GRM7: variants seen among roughly 807,000 people sequenced by gnomAD.
GRM7 encodes glutamate metabotropic receptor 7.
Under a neutral mutation model 84.5 loss-of-function variants are expected in GRM7, and 35 were observed. The ratio of observed to expected loss-of-function variants is 0.41; its 90% confidence interval spans 0.32 to 0.55. The LOEUF (loss-of-function observed/expected upper bound fraction) is 0.55. GRM7 is among the 20% of genes least tolerant of loss of function. The pLI is 0.19. For synonymous variants in GRM7, 487 were observed against 455.1 expected, an observed-to-expected ratio of 1.07 and a Z score of -0.89; for missense variants, 1,003 against 1,194.6, an observed-to-expected ratio of 0.84 and a Z score of 2.36.
At chr3:6,901,983 T>C (rs1696403507) in intron 1 of GRM7, among the ~76,000 whole-genome samples, 1 of 152,174 alleles carries the variant, frequency 6.6e-6, no homozygotes, top group African/African-American at 2.4e-5. Flanking sequence ...TTAAGAACTT[T>C]TTTTTATTTG....
intron 5 of GRM7, among the ~76,000 whole-genome samples, chr3:7,444,695 C>G (rs1697431269): frequency 6.6e-6 from 1 of 152,094 alleles, no homozygotes; most frequent in African/African-American, 2.4e-5. Flanking sequence ...AACATATCCC[C>G]ACCATCCACC....
chr3:7,172,714 T>C (rs1695025626), intron 2 of GRM7, among the ~76,000 whole-genome samples: 1 of 152,160 alleles, frequency 6.6e-6, no homozygotes, highest in Non-Finnish European at 1.5e-5. Flanking sequence ...GGAGTTCTAC[T>C]TGAAAACTGA....
intron 4 of GRM7, among the ~76,000 whole-genome samples, chr3:7,354,554 A>C (rs1350275386): frequency 6.6e-6 from 1 of 152,134 alleles, no homozygotes; most frequent in Non-Finnish European, 1.5e-5. Flanking sequence ...GACAGAAACA[A>C]TATTGCATCC....
At chr3:6,927,122 T>C (rs1459779598) in intron 1 of GRM7, among the ~76,000 whole-genome samples, 1 of 152,072 alleles carries the variant, frequency 6.6e-6, no homozygotes, top group Non-Finnish European at 1.5e-5. Context: ...ATAAAATAAG[T>C]AAGTAGAATT....
intron 5 of GRM7, among the ~76,000 whole-genome samples, chr3:7,450,168 T>G (rs1298755096): frequency 6.6e-6 from 1 of 152,094 alleles, no homozygotes. Context: ...AAGTTTCATC[T>G]TTCCACATGA....
chr3:7,688,092 G>C (rs1186832606), intron 9 of GRM7, among the ~76,000 whole-genome samples: 2 of 151,910 alleles, frequency 1.3e-5, no homozygotes, highest in Non-Finnish European at 2.9e-5. Context: ...TAAATAAGAA[G>C]GAATTTTCCT....
At chr3:7,376,432 G>A (rs1291127957) in intron 4 of GRM7, among the ~76,000 whole-genome samples, 1 of 152,196 alleles carries the variant, frequency 6.6e-6, no homozygotes, top group Non-Finnish European at 1.5e-5. Context: ...AAGGAAAACA[G>A]GTGAGGAACA....
intron 4 of GRM7, among the ~76,000 whole-genome samples, chr3:7,334,240 T>G (rs1701316342): frequency 6.6e-6 from 1 of 151,970 alleles, no homozygotes. Flanking sequence ...ACCTATCAGA[T>G]TAACAGCAGA....
At chr3:6,893,607 A>G (rs1696055575) in intron 1 of GRM7, among the ~76,000 whole-genome samples, 1 of 152,160 alleles carries the variant, frequency 6.6e-6, no homozygotes, top group Admixed American at 6.5e-5. Flanking sequence ...AGAGAAAAAG[A>G]CACAAAAATA....
intron 8 of GRM7, among the ~76,000 whole-genome samples, chr3:7,591,151 C>T (rs1010703818): frequency 2.0e-5 from 3 of 152,028 alleles, no homozygotes; most frequent in Non-Finnish European, 2.9e-5. Flanking sequence ...CAGCCTTGAG[C>T]GAGATCAATC....
intron 2 of GRM7, among the ~76,000 whole-genome samples, chr3:7,201,286 T>C (rs188000097): frequency 1.5e-3 from 234 of 152,272 alleles, no homozygotes; most frequent in African/African-American, 5.2e-3. Flanking sequence ...AAAAAACACA[T>C]TTAATTTTTT....
At position 6,951,197 on chromosome 3, in the gene GRM7, A is replaced by C. The variant is rs554011549; in HGVS notation, c.519+89290A>C. 6.6e-5 allele frequency among the ~76,000 whole-genome samples: 10 copies of C among 152,284 alleles called. No individual in the cohort carries two copies. The South Asian group carries it at 2.1e-3, about 32-fold the overall frequency. On this transcript the variant is annotated intron_variant, in intron 1 of 9. Transcript: ENST00000357716. ...CCATCTTGGCTCCACCCCCAGTCTG[A>C]CTAGAAGTTTACGAATGTTATTAAT...
chr3:7,584,158 A>G (rs1024884185), intron 8 of GRM7, among the ~76,000 whole-genome samples: 1 of 152,222 alleles, frequency 6.6e-6, no homozygotes, highest in African/African-American at 2.4e-5. Context: ...CACATAGCAC[A>G]TAGAGAAGAG....
intron 4 of GRM7, among the ~76,000 whole-genome samples, chr3:7,399,705 C>A (rs1045403263): frequency 3.3e-5 from 5 of 152,078 alleles, no homozygotes; most frequent in Non-Finnish European, 5.9e-5. Flanking sequence ...CCATTAGTTC[C>A]CTCAGAATTC....
chr3:7,205,151 C>T (rs910810774), intron 2 of GRM7, among the ~76,000 whole-genome samples: 1 of 152,170 alleles, frequency 6.6e-6, no homozygotes, highest in African/African-American at 2.4e-5. Context: ...TAATTTAAGA[C>T]AGTTGTTTCC....
intron 5 of GRM7, among the ~76,000 whole-genome samples, chr3:7,441,753 A>G (rs370342353): frequency 2.0e-5 from 3 of 151,984 alleles, no homozygotes; most frequent in South Asian, 4.1e-4. Flanking sequence ...CCCATTGGTC[A>G]TTTTTGTCAC....
chr3:7,405,152 C>T (rs970975065), intron 4 of GRM7, among the ~76,000 whole-genome samples: 3 of 152,070 alleles, frequency 2.0e-5, no homozygotes, highest in Non-Finnish European at 4.4e-5. Flanking sequence ...TTAAATGTTT[C>T]TATCTGAGAA....
chr3:7,525,513 C>T (rs6790831), intron 7 of GRM7, among the ~76,000 whole-genome samples: 93,389 of 151,864 alleles, frequency 0.61, 29,786 homozygotes, highest in African/African-American at 0.79. Flanking sequence ...ATCACAGAGC[C>T]TGGCTGGGAA....
chr3:7,077,062 G>A (rs142252503), intron 1 of GRM7, among the ~76,000 whole-genome samples: 4 of 152,164 alleles, frequency 2.6e-5, no homozygotes, highest in Admixed American at 2.6e-4. Context: ...TGATTAAAAA[G>A]TCAGGAAACA....
Sources: allele counts gnomAD v4.1 joint callset (sites outside exome capture counted in the v4.1 genomes callset), GRCh38; gene constraint gnomAD v4.1.1; transcripts MANE v1.5; gene names NCBI Gene and HGNC (gene_info 2026-07-23, HGNC 2026-07-21).